The following COLEC10 variants were observed in gnomAD, a reference collection of about 807,000 sequenced individuals.
COLEC10 encodes the protein collectin-10.
Under a neutral mutation model 28.4 loss-of-function variants are expected in COLEC10, and 22 were observed. The observed-to-expected ratio is 0.78, with a 90% CI of 0.55 to 1.11. COLEC10 has a LOEUF of 1.11. Ranked by LOEUF, COLEC10 falls within the 50% of genes least tolerant of loss-of-function variation. The pLI is 0.00. For missense variants in COLEC10, 361 were observed against 344.1 expected (o/e 1.05, Z -0.39); for synonymous variants, 125 against 116.1 (o/e 1.08, Z -0.49).
At position 119,102,409 on chromosome 8, in the gene COLEC10, A is replaced by G; in HGVS notation, c.346+8A>G. 6.3e-7 allele frequency: 1 copy of G among 1,596,906 alleles called. No individual in the cohort carries two copies. Among genetic ancestry groups the G allele is most frequent in the South Asian group, 1.1e-5 (1 of 87,766 alleles). The stretch of plus-strand genomic sequence containing the variant: ...GAGAAAAAGGCAAAGCAGGTACGAT[A>G]TGTTCAATGTTCTCTTTGATTTCTA... On this transcript the variant is annotated splice_region_variant and intron_variant, in intron 4 of 5. Coordinates refer to ENST00000332843, the MANE Select transcript of COLEC10 (RefSeq NM_006438.5).
In COLEC10 at chr8:119,013,130, G is replaced by T. The variant is rs1392703604; in HGVS notation, n.235+3577G>T. Among the ~76,000 whole-genome samples, 5 of 149,436 alleles carry T rather than the reference G, an allele frequency of 3.3e-5. No individual in the cohort carries two copies. The East Asian group carries it at 7.8e-4, about 23-fold the overall frequency. On this transcript the variant is annotated intron_variant and non_coding_transcript_variant, in intron 2 of 6. Transcript: ENST00000521788. ...TTTCCTTCTAAGCACTGCTTTTGTG[G>T]CATTCCATGAATTGAATTTTGACAA...
chr8:118,986,707 T>A, the COLEC10 span, among the ~76,000 whole-genome samples: 22 of 152,158 alleles, frequency 1.4e-4, no homozygotes, highest in Non-Finnish European at 2.2e-4. Flanking sequence ...TATTTCTCCA[T>A]TAAAGTGAAT....
At chr8:119,055,341 G>A (rs1183610074) in intron 2 of COLEC10, among the ~76,000 whole-genome samples, 2 of 152,014 alleles carry the variant, frequency 1.3e-5, no homozygotes, top group African/African-American at 4.8e-5. Context: ...TCTGTGTATA[G>A]CAATGAGAGA....
intron 1 of COLEC10, chr8:119,067,695 T>G (rs1181224012): frequency 2.9e-6 from 1 of 349,806 alleles, no homozygotes; most frequent in African/African-American, 2.1e-5. Context: ...GGAAATTCCC[T>G]GTTCCATTCT....
At chr8:119,097,227 T>A (rs548697225) in intron 3 of COLEC10, among the ~76,000 whole-genome samples, 5 of 152,194 alleles carry the variant, frequency 3.3e-5, no homozygotes, top group Non-Finnish European at 5.9e-5. Context: ...TCAAGCTGAA[T>A]CTTTGTGTTG....
chr8:119,085,578 T>C (rs371321152), intron 1 of COLEC10, among the ~76,000 whole-genome samples: 2,357 of 139,348 alleles, frequency 0.017, 46 homozygotes, highest in African/African-American at 0.061. Flanking sequence ...TATTTTTTCT[T>C]TCTTCTTCTT....
the COLEC10 span, among the ~76,000 whole-genome samples, chr8:118,961,467 A>C: frequency 6.6e-6 from 1 of 152,332 alleles, no homozygotes; most frequent in East Asian, 1.9e-4. Context: ...GGAAGAATAC[A>C]AGTGGCTCAT....
the COLEC10 span, among the ~76,000 whole-genome samples, chr8:118,953,151 T>G: frequency 6.6e-6 from 1 of 152,208 alleles, no homozygotes; most frequent in Admixed American, 6.5e-5. Context: ...ATCCACAGAC[T>G]GTTCCATCCT....
chr8:119,044,492 G>A (rs985517491), intron 2 of COLEC10, among the ~76,000 whole-genome samples: 11 of 152,032 alleles, frequency 7.2e-5, no homozygotes, highest in African/African-American at 2.2e-4. Context: ...ATTTTTGCTC[G>A]TTTTTAACAA....
chr8:118,996,088 T>C (rs2130049152), intron 1 of COLEC10, among the ~76,000 whole-genome samples: 1 of 152,300 alleles, frequency 6.6e-6, no homozygotes, highest in East Asian at 1.9e-4. Flanking sequence ...TACTCTCTGC[T>C]TAATTTGACT....
At chr8:118,978,221 C>T in the COLEC10 span, among the ~76,000 whole-genome samples, 3 of 152,000 alleles carry the variant, frequency 2.0e-5, no homozygotes, top group South Asian at 4.1e-4. Flanking sequence ...CAAGGGAAGT[C>T]GCAAAACATC....
intron 2 of COLEC10, among the ~76,000 whole-genome samples, chr8:119,019,435 T>C (rs551441795): frequency 1.3e-5 from 2 of 152,296 alleles, no homozygotes; most frequent in East Asian, 1.9e-4. Context: ...AAGAAATCCG[T>C]CTTTGGAGCC....
At chr8:118,981,049 T>C in the COLEC10 span, among the ~76,000 whole-genome samples, 1 of 151,882 alleles carries the variant, frequency 6.6e-6, no homozygotes, top group East Asian at 1.9e-4. Flanking sequence ...ATATATTTCC[T>C]AGCAGTGTTT....
chr8:119,022,047 A>G (rs1280050856), intron 2 of COLEC10, among the ~76,000 whole-genome samples: 4 of 152,138 alleles, frequency 2.6e-5, no homozygotes, highest in Non-Finnish European at 5.9e-5. Context: ...TCCTCTAGCA[A>G]TCCTCTTACT....
In COLEC10 at chr8:119,106,206, C is replaced by T. The variant is rs374140390; in HGVS notation, c.*15C>T. The T allele has an allele frequency of 4.3e-5, 68 of 1,581,976 alleles. 1 individual carries two copies. Among genetic ancestry groups the T allele is most frequent in the African/African-American group, 2.2e-4 (16 of 73,842 alleles). On this transcript the variant is annotated 3_prime_UTR_variant, in exon 6 of 6. Coordinates refer to ENST00000332843, the MANE Select transcript of COLEC10 (RefSeq NM_006438.5). ...AGAAAAAGTAACTTCCCTCATCCTA[C>T]GTATTTGCTATTTTCCTGTGACCGT...
chr8:119,014,078 T>C (rs1440208587), intron 2 of COLEC10, among the ~76,000 whole-genome samples: 1 of 150,784 alleles, frequency 6.6e-6, no homozygotes, highest in Non-Finnish European at 1.5e-5. Flanking sequence ...GCTGCTATTA[T>C]ATTCTGCATG....
chr8:119,105,940 A>G lies in COLEC10; in HGVS notation c.583A>G (p.Ile195Val). 2 of 1,613,878 alleles carry G rather than the reference A, an allele frequency of 1.2e-6. No homozygotes were observed. The highest frequency in any genetic ancestry group is 1.7e-6 in the Non-Finnish European group (2 of 1,179,878). ...MPKDEAANTL[I>V]ADYVAKSGFF... ...CAAGGATGAAGCTGCCAACACACTC[A>G]TCGCTGACTATGTTGCCAAGAGTGG... is the stretch of plus-strand genomic sequence containing the variant. The change falls in exon 6 of 6, where the codon ATC (isoleucine) becomes GTC (valine). Residue 195 changes from isoleucine (I) to valine (V), a missense_variant. This residue lies in a region of COLEC10 where 335 missense variants were observed against 308.5 expected (regional missense o/e 1.09). Coordinates refer to ENST00000332843, the MANE Select transcript of COLEC10 (RefSeq NM_006438.5).
At chr8:119,067,160 T>C (rs897102319), upstream of COLEC10, 6 of 961,730 alleles carry the variant, frequency 6.2e-6, no homozygotes, top group Non-Finnish European at 9.4e-6. Context: ...CCTGTCTCTG[T>C]AGCCCTTTTT....
intron 1 of COLEC10, among the ~76,000 whole-genome samples, chr8:119,009,159 C>T (rs1277107173): frequency 6.6e-6 from 1 of 150,890 alleles, no homozygotes; most frequent in Non-Finnish European, 1.5e-5. Flanking sequence ...ACCACTGGCC[C>T]ATACCATTCT....
Sources: allele counts gnomAD v4.1 joint callset (sites outside exome capture counted in the v4.1 genomes callset), GRCh38; gene constraint gnomAD v4.1.1; regional missense constraint gnomAD v4.1.1; transcripts MANE v1.5; gene names NCBI Gene and HGNC (gene_info 2026-07-23, HGNC 2026-07-21).